The following GRIN2A variants were observed in gnomAD, a reference collection of about 807,000 sequenced individuals.
GRIN2A encodes the protein glutamate receptor ionotropic, NMDA 2A.
GRIN2A carries 22 observed loss-of-function variants against 113.4 expected under a neutral mutation model. The ratio of observed to expected loss-of-function variants is 0.19; its 90% confidence interval spans 0.14 to 0.28. The LOEUF (loss-of-function observed/expected upper bound fraction) is 0.28. Ranked by LOEUF, GRIN2A falls within the 10% of genes least tolerant of loss-of-function variation. The pLI is 1.00. For missense variants in GRIN2A, 1,502 were observed against 1,887.0 expected (o/e 0.80, Z 3.78); for synonymous variants, 827 against 738.4 (o/e 1.12, Z -1.94).
chr16:9,890,527 A>G (rs1377138702), intron 4 of GRIN2A, among the ~76,000 whole-genome samples: 1 of 152,230 alleles, frequency 6.6e-6, no homozygotes, highest in Admixed American at 6.5e-5. Context: ...TGATTTACAG[A>G]AGTGATACAT....
chr16:9,980,478 C>T (rs2045869635), intron 2 of GRIN2A, among the ~76,000 whole-genome samples: 1 of 152,068 alleles, frequency 6.6e-6, no homozygotes, highest in African/African-American at 2.4e-5. Context: ...CCAGCCATCC[C>T]ATTACTGGGT....
intron 2 of GRIN2A, among the ~76,000 whole-genome samples, chr16:10,010,784 A>T (rs1791704618): frequency 6.6e-6 from 1 of 152,136 alleles, no homozygotes; most frequent in Admixed American, 6.5e-5. Context: ...CTCCTCCAGA[A>T]TTCTTACCTT....
intron 4 of GRIN2A, among the ~76,000 whole-genome samples, chr16:9,860,445 C>CAAAAAAAAAAAAAAAA (rs35715098): frequency 3.5e-5 from 2 of 57,952 alleles, no homozygotes; most frequent in African/African-American, 6.1e-5. Context: ...AAGAGTCTCT[C>CAAAAAAAAAAAAAAAA]AAAAAAAAAA....
intron 5 of GRIN2A, among the ~76,000 whole-genome samples, chr16:9,844,771 T>G (rs1015898539): frequency 6.6e-6 from 1 of 152,160 alleles, no homozygotes; most frequent in African/African-American, 2.4e-5. Context: ...CCACCAATGA[T>G]TTGACAGTTT....
At chr16:9,890,673 A>G (rs988325512) in intron 4 of GRIN2A, among the ~76,000 whole-genome samples, 1 of 152,206 alleles carries the variant, frequency 6.6e-6, no homozygotes, top group African/African-American at 2.4e-5. Flanking sequence ...CTACATAGTC[A>G]ACACTTATTA....
intron 2 of GRIN2A, among the ~76,000 whole-genome samples, chr16:10,160,092 G>A (rs1018031181): frequency 2.0e-5 from 3 of 152,224 alleles, no homozygotes; most frequent in African/African-American, 7.2e-5. Context: ...CTCCAGGGCT[G>A]TAAGAGGGTA....
chr16:10,039,641 G>T (rs1567253623), intron 2 of GRIN2A, among the ~76,000 whole-genome samples: 1 of 151,688 alleles, frequency 6.6e-6, no homozygotes, highest in Admixed American at 6.6e-5. Flanking sequence ...CGCGGGGAGG[G>T]TCCGCACCCG....
intron 2 of GRIN2A, among the ~76,000 whole-genome samples, chr16:9,941,449 A>T (rs989406737): frequency 2.6e-5 from 4 of 152,264 alleles, no homozygotes; most frequent in African/African-American, 9.6e-5. Flanking sequence ...TAATTGGCCC[A>T]GAGCCAGCTC....
intron 2 of GRIN2A, among the ~76,000 whole-genome samples, chr16:10,002,072 T>C (rs955846030): frequency 2.0e-5 from 3 of 152,208 alleles, no homozygotes; most frequent in Non-Finnish European, 2.9e-5. Flanking sequence ...GAAAAAGCTA[T>C]AGAAACTAAC....
chr16:10,124,950 T>A (rs543216045), intron 2 of GRIN2A, among the ~76,000 whole-genome samples: 1 of 152,094 alleles, frequency 6.6e-6, no homozygotes, highest in Non-Finnish European at 1.5e-5. Context: ...GGGAAGAGCA[T>A]TCCAGGCATA....
chr16:10,098,789 G>C (rs185197126), intron 2 of GRIN2A, among the ~76,000 whole-genome samples: 4 of 152,220 alleles, frequency 2.6e-5, no homozygotes, highest in Admixed American at 2.0e-4. Flanking sequence ...TGACACAATG[G>C]ACGCTGGAAA....
At position 9,835,702 on chromosome 16, in the gene GRIN2A, A is replaced by G. The variant is rs186063971; in HGVS notation, c.1652-1472T>C. 1.2e-3 allele frequency among the ~76,000 whole-genome samples: 186 copies of G among 152,264 alleles called. 1 individual carries two copies. Among genetic ancestry groups the G allele is most frequent in the Middle Eastern group, 3.4e-3 (1 of 294 alleles). The stretch of plus-strand genomic sequence containing the variant: ...TTATTTTAAAATTGTTTTCCTAGTG[A>G]AGCTACTTATAATAATAAAGAGCTA... On this transcript the variant is annotated intron_variant, in intron 7 of 12. Transcript: ENST00000330684.
In GRIN2A at chr16:10,039,888, A is replaced by G. The variant is rs548526236; in HGVS notation, c.415-101337T>C. Among the ~76,000 whole-genome samples, 578 of 137,454 alleles carry G rather than the reference A, an allele frequency of 4.2e-3. 1 individual carries two copies. The highest frequency in any genetic ancestry group is 0.015 in the African/African-American group (556 of 36,944). The allele number at this position is 137,454 out of a possible 152,430, so 90.2% of individuals were successfully genotyped here. Reference sequence around the variant, plus strand: ...GGGGTGCGGCAGCCACACACTCACCAGGTACACACTCGCAATCCAGCACAC... The same window carrying G: ...GGGGTGCGGCAGCCACACACTCACCGGGTACACACTCGCAATCCAGCACAC... On this transcript the variant is annotated intron_variant, in intron 2 of 12. Coordinates refer to ENST00000330684, the MANE Select transcript of GRIN2A (RefSeq NM_001134407.3).
intron 12 of GRIN2A, among the ~76,000 whole-genome samples, 196 bp downstream of exon 12, chr16:9,768,655 G>A (rs1567282143): frequency 6.6e-6 from 1 of 152,102 alleles, no homozygotes; most frequent in Non-Finnish European, 1.5e-5. Context: ...ACCCACTCCC[G>A]TTTCCTTTCT....
chr16:9,999,695 A>C (rs966757310), intron 2 of GRIN2A, among the ~76,000 whole-genome samples: 3 of 152,138 alleles, frequency 2.0e-5, no homozygotes, highest in Non-Finnish European at 2.9e-5. Context: ...CCTCTTTAAC[A>C]AAACTGCACA....
chr16:9,908,696 A>G (rs2044074693), intron 3 of GRIN2A, among the ~76,000 whole-genome samples: 1 of 152,252 alleles, frequency 6.6e-6, no homozygotes, highest in South Asian at 2.1e-4. Flanking sequence ...TTTGAAGCCC[A>G]GCAGAGCCCT....
At chr16:10,119,383 G>A (rs1567312336) in intron 2 of GRIN2A, among the ~76,000 whole-genome samples, 1 of 151,918 alleles carries the variant, frequency 6.6e-6, no homozygotes, top group Admixed American at 6.6e-5. Context: ...TTTATTTGAT[G>A]AGTTGTTTTC....
chr16:9,816,889 A>G (rs1023171826), intron 10 of GRIN2A, among the ~76,000 whole-genome samples: 10 of 152,200 alleles, frequency 6.6e-5, no homozygotes, highest in Non-Finnish European at 1.3e-4. Context: ...CTTGAGAAGC[A>G]TTAGCCTAGA....
chr16:9,832,532 A>G (rs548280998), intron 8 of GRIN2A, among the ~76,000 whole-genome samples: 20 of 152,296 alleles, frequency 1.3e-4, no homozygotes, highest in African/African-American at 4.1e-4. Flanking sequence ...TCACAACTAA[A>G]TTCTAAACTG....
Sources: gnomAD v4.1 joint callset for allele counts (sites outside exome capture counted in the v4.1 genomes callset) on GRCh38, gnomAD v4.1.1 for gene constraint, MANE v1.5 for transcripts, NCBI Gene and HGNC (gene_info 2026-07-23, HGNC 2026-07-21) for gene names.